Variants in TARS3 observed in about 807,000 individuals in gnomAD.
TARS3 encodes the protein threonine--tRNA ligase 2, cytoplasmic.
TARS3 carries 94 observed loss-of-function variants against 103.5 expected under a neutral mutation model. The observed-to-expected ratio is 0.91, with a 90% CI of 0.77 to 1.08. TARS3 has a LOEUF of 1.08. Ranked by LOEUF, TARS3 falls within the 50% of genes least tolerant of loss-of-function variation. The pLI, the probability that TARS3 is intolerant of heterozygous loss-of-function variation, is 0.00. For missense variants in TARS3, 952 were observed against 995.2 expected (o/e 0.96, Z 0.58); for synonymous variants, 416 against 355.4 (o/e 1.17, Z -1.92).
chr15:101,660,744 C>G (rs1482871869), intron 16 of TARS3, among the ~76,000 whole-genome samples: 1 of 152,198 alleles, frequency 6.6e-6, no homozygotes, highest in Non-Finnish European at 1.5e-5. Context: ...CCAGATGGAA[C>G]TTAGTGAGGC....
intron 9 of TARS3, 48 bp from the exon 10 acceptor site, chr15:101,701,232 A>G: frequency 8.6e-7 from 1 of 1,159,246 alleles, no homozygotes; most frequent in Non-Finnish European, 1.3e-6. Flanking sequence ...GCTATTGCTT[A>G]ATATTTACTG....
At chr15:101,687,777 G>A (rs554267347) in intron 10 of TARS3, among the ~76,000 whole-genome samples, 4 of 152,238 alleles carry the variant, frequency 2.6e-5, no homozygotes, top group African/African-American at 9.6e-5. Flanking sequence ...CCTCTGACAA[G>A]TGATTAGGTC....
At chr15:101,664,547 T>C (rs539356518) in intron 15 of TARS3, 5 of 152,252 alleles carry the variant, frequency 3.3e-5, no homozygotes, top group South Asian at 2.1e-4. Context: ...AATATCACTA[T>C]AAAGGCTTCG....
chr15:101,693,136 T>C (rs1035008571), intron 10 of TARS3, among the ~76,000 whole-genome samples: 2 of 152,150 alleles, frequency 1.3e-5, no homozygotes, highest in South Asian at 2.1e-4. Flanking sequence ...TTTTGGAAAA[T>C]AGTTTGGCAT....
Position 101,724,139 on chromosome 15 carries a change from G to A in TARS3, c.249C>T (p.Ala83=), listed in dbSNP as rs947014923. Reference sequence around the variant, plus strand: ...CCTCTAGCTCCGCGCTCTCCAGCGTGGCCTGGCGGCTCCGCTCCTCGGCGA... The same window carrying A: ...CCTCTAGCTCCGCGCTCTCCAGCGTAGCCTGGCGGCTCCGCTCCTCGGCGA... The part of the protein sequence containing the change: ...LCLAEERSRQ[A]TLESAELEAA... The change falls in exon 1 of 19, where the codon GCC becomes GCT. Residue 83 remains alanine, a synonymous_variant. Coordinates refer to ENST00000335968, the MANE Select transcript of TARS3 (RefSeq NM_152334.3). 11 of 1,446,688 alleles carry A rather than the reference G, an allele frequency of 7.6e-6. No homozygotes were observed. The highest frequency in any genetic ancestry group is 1.0e-5 in the Non-Finnish European group (11 of 1,100,028). The allele number at this position is 1,446,688 out of a possible 1,614,324, so 89.6% of individuals were successfully genotyped here.
rs146035010 is a variant in TARS3 at position 101,672,480 on chromosome 15, A to T, written c.1789-732T>A. Among the ~76,000 whole-genome samples the T allele has an allele frequency of 7.5e-4, 114 of 152,280 alleles. 3 individuals carry two copies. In the East Asian group the frequency reaches 0.017, roughly 23 times the overall value. ...CTGCCAAAACACGAGCCAAACTCCC[A>T]TCATCACCTCCAACATACGGGTGCC... On this transcript the variant is annotated intron_variant, in intron 13 of 18. Coordinates refer to ENST00000335968, the MANE Select transcript of TARS3 (RefSeq NM_152334.3).
intron 4 of TARS3, 68 bp from the exon 5 acceptor site, chr15:101,712,069 A>G: frequency 3.3e-6 from 5 of 1,514,186 alleles, no homozygotes; most frequent in Non-Finnish European, 3.5e-6. Context: ...TAGTAAAATG[A>G]TGTAAACCAG....
At chr15:101,676,703 C>T (rs1399458532) in intron 12 of TARS3, among the ~76,000 whole-genome samples, 3 of 151,150 alleles carry the variant, frequency 2.0e-5, no homozygotes, top group East Asian at 3.9e-4. Flanking sequence ...GAAGGGGTTT[C>T]GCCATGTTGG....
In TARS3 at chr15:101,667,092, T is replaced by C. The variant is rs139824611; in HGVS notation, c.1967+4394A>G. 4.5e-4 allele frequency among the ~76,000 whole-genome samples: 68 copies of C among 152,316 alleles called. No homozygotes were observed. The East Asian group carries it at 0.013, about 28-fold the overall frequency. On this transcript the variant is annotated intron_variant, in intron 15 of 18. Transcript: ENST00000335968. ...CAGAGCTCTTGGATGACCAGGTGCA[T>C]TGTCAATGAGCAGTAATCTTTTGAA...
At chr15:101,666,407 C>T (rs1250111101) in intron 15 of TARS3, among the ~76,000 whole-genome samples, 8 of 137,248 alleles carry the variant, frequency 5.8e-5, no homozygotes, top group African/African-American at 1.7e-4. Context: ...ACCCAGGAGG[C>T]GGAGGTTTCA....
At chr15:101,671,139 T>G (rs1463353615) in intron 15 of TARS3, among the ~76,000 whole-genome samples, 2 of 152,140 alleles carry the variant, frequency 1.3e-5, no homozygotes, top group Non-Finnish European at 2.9e-5. Flanking sequence ...AATTGCCTTT[T>G]TTCCCCTGCT....
At chr15:101,675,787 T>C (rs1367085612) in intron 12 of TARS3, 50 bp from the exon 13 acceptor site, 2 of 1,559,512 alleles carry the variant, frequency 1.3e-6, no homozygotes, top group Non-Finnish European at 1.7e-6. Flanking sequence ...AATTCATTTA[T>C]GTTTTAAAAA....
chr15:101,666,661 TAA>T (rs1286661052), intron 15 of TARS3, among the ~76,000 whole-genome samples: 3 of 152,030 alleles, frequency 2.0e-5, no homozygotes, highest in Non-Finnish European at 4.4e-5. Context: ...TACAACAAAA[TAA>T]AGACATTCTC....
Position 101,721,227 on chromosome 15 carries a change from CT to C in TARS3, c.464del (p.Lys155ArgfsTer10). Reference protein sequence around the residue: ...HQLLLAIYGKKGDTSNIITVR... With the variant: ...HQLLLAIYGKXGDTSNIITVR... ...CTGTGATGATGTTGCTTGTATCCCC[CT>C]TTTTTCCATAAATGGCAAGTAAGAG... On this transcript the variant is annotated frameshift_variant, in exon 3 of 19. Coordinates refer to ENST00000335968, the MANE Select transcript of TARS3 (RefSeq NM_152334.3). LOFTEE classifies it high-confidence loss of function. 6.2e-7 allele frequency: 1 copy of C among 1,613,998 alleles called. No homozygotes were observed. The highest frequency in any genetic ancestry group is 8.5e-7 in the Non-Finnish European group (1 of 1,179,878).
intron 12 of TARS3, among the ~76,000 whole-genome samples, chr15:101,675,986 C>G (rs1011315647): frequency 7.9e-5 from 12 of 152,226 alleles, no homozygotes; most frequent in African/African-American, 2.7e-4. Flanking sequence ...AGGAGAGCGG[C>G]ACGGAGGGGC....
chr15:101,656,889 G>C, intron 18 of TARS3, 33 bp downstream of exon 18: 2 of 1,395,558 alleles, frequency 1.4e-6, no homozygotes, highest in East Asian at 2.3e-5. Context: ...GGAAAAAAAA[G>C]CATTTGGAAA....
At chr15:101,699,809 C>T (rs1200132099) in intron 10 of TARS3, among the ~76,000 whole-genome samples, 1 of 152,158 alleles carries the variant, frequency 6.6e-6, no homozygotes, top group Non-Finnish European at 1.5e-5. Flanking sequence ...ATAACCAGTG[C>T]AGGCCACATG....
chr15:101,724,298 C>G lies in TARS3; in HGVS notation c.90G>C (p.Glu30Asp). 6.4e-7 allele frequency: 1 copy of G among 1,573,060 alleles called. No homozygotes were observed. Among genetic ancestry groups the G allele is most frequent in the Non-Finnish European group, 8.6e-7 (1 of 1,166,090 alleles). Reference protein sequence around the residue: ...EDIRWLWSEVERLRDEQLNAP... With the variant: ...EDIRWLWSEVDRLRDEQLNAP... Reference sequence around the variant, plus strand: ...CGTTCAGCTGCTCGTCCCTCAGGCGCTCGACCTCCGACCACAGCCAGCGGA... The same window carrying G: ...CGTTCAGCTGCTCGTCCCTCAGGCGGTCGACCTCCGACCACAGCCAGCGGA... Residue 30 changes from glutamate (E) to aspartate (D), a missense_variant, in exon 1 of 19, where the codon GAG becomes GAC. Physicochemically the swap from Glu to Asp is conservative, Grantham distance 45. Coordinates refer to ENST00000335968, the MANE Select transcript of TARS3 (RefSeq NM_152334.3).
Position 101,723,179 on chromosome 15 carries a change from A to G in TARS3, c.298-15T>C. On this transcript the variant is annotated splice_polypyrimidine_tract_variant and intron_variant, in intron 1 of 18. Coordinates refer to ENST00000335968, the MANE Select transcript of TARS3 (RefSeq NM_152334.3). ...CTAGGAGGAGGCTGAAAGATAAATT[A>G]TAAATGACTCACATCAATGGCAAGA... 2 of 1,609,974 alleles carry G rather than the reference A, an allele frequency of 1.2e-6. No individual in the cohort carries two copies. Among genetic ancestry groups the G allele is most frequent in the South Asian group, 1.1e-5 (1 of 90,950 alleles).
Sources: allele counts gnomAD v4.1 joint callset (sites outside exome capture counted in the v4.1 genomes callset), GRCh38; gene constraint gnomAD v4.1.1; transcripts MANE v1.5; gene names NCBI Gene and HGNC (gene_info 2026-07-23, HGNC 2026-07-21).